The following CAPRIN1 variants were observed in gnomAD, a reference collection of about 807,000 sequenced individuals.
The protein encoded by CAPRIN1 is caprin-1.
CAPRIN1 carries 29 observed loss-of-function variants against 100.9 expected under a neutral mutation model. The observed-to-expected ratio is 0.29, with a 90% confidence interval of 0.21 to 0.39. The LOEUF is 0.39. Among genes scored for constraint, CAPRIN1 ranks in the 10% least tolerant of loss-of-function variants. The pLI is 1.00. For synonymous variants in CAPRIN1, 338 were observed against 307.5 expected (o/e 1.10, Z -1.04); for missense variants, 795 against 876.7 (o/e 0.91, Z 1.18).
chr11:34,079,566 T>G (rs942081857), intron 6 of CAPRIN1, 62 bp from the exon 7 acceptor site: 1 of 1,375,262 alleles, frequency 7.3e-7, no homozygotes, highest in Non-Finnish European at 1.0e-6. Context: ...GAATGTTGGA[T>G]CTTCTTCAAG....
rs886540036 is a variant in CAPRIN1, at chr11:34,099,393, C to T, written c.*26C>T. On this transcript the variant is annotated 3_prime_UTR_variant, in exon 19 of 19. Transcript: ENST00000341394. ...TCTGATTCACAGGATTATGTTTAAT[C>T]GCCAAAAACACACTGGCCAGTGTAC... The T allele has an allele frequency of 3.2e-6, 5 of 1,569,726 alleles. No homozygotes were observed. Among genetic ancestry groups the T allele is most frequent in the Admixed American group, 3.3e-5 (2 of 59,900 alleles).
At chr11:34,092,205 TAAATTGAGTCTGTACTTGTATATGTGA>T (rs1851277899) in intron 15 of CAPRIN1, 149 bp downstream of exon 15, 2 of 722,782 alleles carry the variant, frequency 2.8e-6, no homozygotes, top group African/African-American at 3.6e-5. Context: ...GATCATGAGT[TAAATTGAGTCTGTACTTGTATATGTGA>T]ATTATGTGCA....
chr11:34,079,877 T>A (rs1850978547), intron 7 of CAPRIN1, 112 bp downstream of exon 7: 1 of 958,836 alleles, frequency 1.0e-6, no homozygotes, highest in Non-Finnish European at 1.5e-6. Flanking sequence ...CTAGATTTTA[T>A]TTTTAAAGAG....
At chr11:34,081,203 AT>A (rs1340237486) in intron 7 of CAPRIN1, among the ~76,000 whole-genome samples, 2 of 149,994 alleles carry the variant, frequency 1.3e-5, no homozygotes, top group Non-Finnish European at 3.0e-5. Flanking sequence ...TTTAAGTTGA[AT>A]TCTTTTTTTT....
chr11:34,097,818 GA>G, intron 18 of CAPRIN1, 57 bp downstream of exon 18: 1 of 1,613,442 alleles, frequency 6.2e-7, no homozygotes, highest in Non-Finnish European at 8.5e-7. Context: ...TCTGGCCTTG[GA>G]AGAGCTGTTA....
In CAPRIN1 at chr11:34,091,934, C is replaced by T; in HGVS notation, c.1583C>T (p.Pro528Leu). 1 of 1,613,632 alleles carries T rather than the reference C, an allele frequency of 6.2e-7. No homozygotes were observed. The highest frequency in any genetic ancestry group is 2.2e-5 in the East Asian group (1 of 44,842). ...TVFNMNAPVPPVNEPETLKQQ... is the reference protein window; with the variant it reads ...TVFNMNAPVPLVNEPETLKQQ... ...TTCAATATGAATGCCCCAGTTCCTCCTGTTAATGAACCAGAAACTTTAAAA... is the reference window on the plus strand; with the variant it reads ...TTCAATATGAATGCCCCAGTTCCTCTTGTTAATGAACCAGAAACTTTAAAA... Residue 528 changes from proline to leucine, a missense_variant, in exon 15 of 19, where the codon CCT (proline) becomes CTT (leucine). Transcript: ENST00000341394.
intron 2 of CAPRIN1, among the ~76,000 whole-genome samples, chr11:34,070,428 A>G (rs752228365): frequency 1.3e-5 from 2 of 152,178 alleles, no homozygotes; most frequent in African/African-American, 2.4e-5. Context: ...GCAGCATCTC[A>G]CGCTGTCGCC....
At position 34,102,106 on chromosome 11, in the gene CAPRIN1, GC is replaced by G. The variant is rs1851462907; in HGVS notation, c.*2740del. Among the ~76,000 whole-genome samples, 1 of 152,042 alleles carries G rather than the reference GC, an allele frequency of 6.6e-6. No individual in the cohort carries two copies. Among genetic ancestry groups the G allele is most frequent in the African/African-American group, 2.4e-5 (1 of 41,388 alleles). ...TCCTTTAAGTATTTCTAATCAGTTA[GC>G]TTCTACAGTTCTTTTGTCTCCTTTT... On this transcript the variant is annotated 3_prime_UTR_variant, in exon 19 of 19. Transcript: ENST00000341394.
At chr11:34,099,156 A>G (rs1851416540) in intron 18 of CAPRIN1, 147 bp from the exon 19 acceptor site, 7 of 1,460,192 alleles carry the variant, frequency 4.8e-6, no homozygotes, top group Middle Eastern at 1.8e-4. Context: ...AGGACAGGGG[A>G]AACTTGAACA....
At chr11:34,094,269 C>T (rs1057468659) in intron 15 of CAPRIN1, among the ~76,000 whole-genome samples, 1 of 152,096 alleles carries the variant, frequency 6.6e-6, no homozygotes, top group Non-Finnish European at 1.5e-5. Context: ...TCTCCTGCCT[C>T]GGCCTCCTGC....
At position 34,086,053 on chromosome 11, in the gene CAPRIN1, T is replaced by TC; in HGVS notation, c.967-11_967-10insC. 8.1e-6 allele frequency: 13 copies of TC among 1,611,756 alleles called. No homozygotes were observed. Among genetic ancestry groups the TC allele is most frequent in the African/African-American group, 2.7e-5 (2 of 74,878 alleles). ...CTCCTATTCCTTCTAATCCTTTTTTTTCTACCTTAGGTGGTAAATTCACTC... is the reference window on the plus strand; with the variant it reads ...CTCCTATTCCTTCTAATCCTTTTTTTCTCTACCTTAGGTGGTAAATTCACTC... On this transcript the variant is annotated splice_polypyrimidine_tract_variant and intron_variant, in intron 9 of 18. Coordinates refer to ENST00000341394, the MANE Select transcript of CAPRIN1 (RefSeq NM_005898.5).
Position 34,091,926 on chromosome 11 carries a change from A to G in CAPRIN1, c.1575A>G (p.Pro525=). ...AACAGGTGTTCAATATGAATGCCCC[A>G]GTTCCTCCTGTTAATGAACCAGAAA... The part of the protein sequence containing the change: ...SMQTVFNMNA[P]VPPVNEPETL... Residue 525 remains proline (P), a synonymous_variant, in exon 15 of 19, where the codon CCA becomes CCG. Coordinates refer to ENST00000341394, the MANE Select transcript of CAPRIN1 (RefSeq NM_005898.5). The G allele has an allele frequency of 1.2e-6, 2 of 1,613,594 alleles. No individual in the cohort carries two copies. Among genetic ancestry groups the G allele is most frequent in the Non-Finnish European group, 1.7e-6 (2 of 1,179,786 alleles).
intron 15 of CAPRIN1, chr11:34,096,229 A>G (rs984184065): frequency 3.3e-5 from 11 of 330,866 alleles, no homozygotes; most frequent in African/African-American, 2.2e-4. Flanking sequence ...GTTTGGAAGG[A>G]TCAATCATGC....
At chr11:34,057,869 C>A (rs1265775091) in intron 2 of CAPRIN1, among the ~76,000 whole-genome samples, 1 of 152,028 alleles carries the variant, frequency 6.6e-6, no homozygotes, top group Non-Finnish European at 1.5e-5. Flanking sequence ...CAGGCGCCCG[C>A]CACCACGCCC....
In CAPRIN1 at chr11:34,052,503, C is replaced by G; in HGVS notation, c.83C>G (p.Ala28Gly). ...CCGTCGGGTTCCTCCGGGAGTGAGG[C>G]GGCCGCGGGAGCCGGGGCCGCCGCG... ...PPPSGSSGSE[A>G]AAGAGAAAPA... is the part of the protein sequence containing the mutation. The change falls in exon 2 of 19, where the codon GCG becomes GGG. Residue 28 changes from alanine (A) to glycine (G), a missense_variant. Physicochemically the swap from Ala to Gly is moderately conservative, Grantham distance 60 (BLOSUM62 0). Around this residue, in one of 3 missense-constraint regions of CAPRIN1, gnomAD observed 109 missense variants for 86.6 expected, o/e 1.26. Transcript: ENST00000341394. The G allele has an allele frequency of 6.2e-7, 1 of 1,604,680 alleles. No homozygotes were observed. Among genetic ancestry groups the G allele is most frequent in the Non-Finnish European group, 8.5e-7 (1 of 1,176,616 alleles).
chr11:34,076,698 T>C (rs928596004), intron 6 of CAPRIN1, 56 bp downstream of exon 6: 1 of 1,241,290 alleles, frequency 8.1e-7, no homozygotes, highest in Non-Finnish European at 1.2e-6. Flanking sequence ...AAAAACTAAT[T>C]TTCTTATGTT....
chr11:34,064,472 T>C (rs1023698087), intron 2 of CAPRIN1, among the ~76,000 whole-genome samples: 21 of 152,330 alleles, frequency 1.4e-4, no homozygotes, highest in African/African-American at 5.0e-4. Context: ...TTAGGCAAAT[T>C]GTATTTGGAG....
At chr11:34,091,205 T>G (rs1461557722) in intron 14 of CAPRIN1, among the ~76,000 whole-genome samples, 8 of 152,234 alleles carry the variant, frequency 5.3e-5, no homozygotes, top group Non-Finnish European at 8.8e-5. Flanking sequence ...GATTAATATG[T>G]TAATAAAAAT....
At chr11:34,068,075 T>G (rs1850734483) in intron 2 of CAPRIN1, among the ~76,000 whole-genome samples, 1 of 152,206 alleles carries the variant, frequency 6.6e-6, no homozygotes, top group African/African-American at 2.4e-5. Flanking sequence ...TCGATGACAC[T>G]GGGGGCCTCG....
Sources: gnomAD v4.1 joint callset for allele counts (sites outside exome capture counted in the v4.1 genomes callset) on GRCh38, gnomAD v4.1.1 for gene constraint, gnomAD v4.1.1 regional missense constraint, MANE v1.5 for transcripts, NCBI Gene and HGNC (gene_info 2026-07-23, HGNC 2026-07-21) for gene names.